Variants in PDE1A observed in about 807,000 individuals in gnomAD.
The protein encoded by PDE1A is phosphodiesterase 1A.
A neutral mutation model predicts 61.7 loss-of-function variants in PDE1A; 35 were observed. The ratio of observed to expected loss-of-function variants is 0.57; its 90% CI spans 0.43 to 0.75. PDE1A has a LOEUF of 0.75. Among genes scored for constraint, PDE1A ranks in the 30% least tolerant of loss-of-function variants. The pLI, the probability that PDE1A is intolerant of heterozygous loss-of-function variation, is 0.00. For missense variants in PDE1A, 597 were observed against 630.6 expected (o/e 0.95, Z 0.57); for synonymous variants, 232 against 213.2 (o/e 1.09, Z -0.77).
chr2:182,553,048 C>A, the PDE1A span, among the ~76,000 whole-genome samples: 1 of 152,222 alleles, frequency 6.6e-6, no homozygotes, highest in African/African-American at 2.4e-5. Flanking sequence ...TGTTCCTGCA[C>A]GGCTAAGTGC....
At chr2:182,274,977 GA>G (rs2125829589) in intron 1 of PDE1A, among the ~76,000 whole-genome samples, 1 of 152,184 alleles carries the variant, frequency 6.6e-6, no homozygotes, top group East Asian at 1.9e-4. Context: ...AATAAAAAAT[GA>G]AATACTACTA....
At chr2:182,149,485 G>T (rs997872791) in intron 13 of PDE1A, among the ~76,000 whole-genome samples, 19 of 152,048 alleles carry the variant, frequency 1.2e-4, no homozygotes, top group African/African-American at 4.6e-4. Context: ...ACTGAAAAAG[G>T]GTCTTCCTTG....
intron 2 of PDE1A, among the ~76,000 whole-genome samples, chr2:182,447,905 ATATG>A (rs1384113597): frequency 6.6e-6 from 1 of 152,120 alleles, no homozygotes; most frequent in African/African-American, 2.4e-5. Flanking sequence ...ATAGCCTGTC[ATATG>A]GATGTTTCTG....
intron 3 of PDE1A, among the ~76,000 whole-genome samples, chr2:182,238,955 T>G (rs552793628): frequency 6.6e-6 from 1 of 152,338 alleles, no homozygotes; most frequent in African/African-American, 2.4e-5. Flanking sequence ...ATACATTTCT[T>G]TAGCAAATCA....
chr2:182,145,806 G>T (rs1425226638), downstream of PDE1A, among the ~76,000 whole-genome samples: 1 of 152,128 alleles, frequency 6.6e-6, no homozygotes, highest in Non-Finnish European at 1.5e-5. Flanking sequence ...CTTTATTGTT[G>T]CTATTCACAA....
At chr2:182,354,408 C>A (rs1345833038) in intron 1 of PDE1A, among the ~76,000 whole-genome samples, 1 of 152,120 alleles carries the variant, frequency 6.6e-6, no homozygotes, top group Admixed American at 6.5e-5. Flanking sequence ...AGATAACAAG[C>A]CAGTTTTATT....
chr2:182,582,772 G>A, the PDE1A span, among the ~76,000 whole-genome samples: 13 of 152,286 alleles, frequency 8.5e-5, no homozygotes, highest in East Asian at 9.7e-4. Context: ...CTAAGCTAGC[G>A]GACAGAGCCT....
chr2:182,149,333 A>G (rs555879858), intron 13 of PDE1A, among the ~76,000 whole-genome samples: 1 of 152,356 alleles, frequency 6.6e-6, no homozygotes, highest in African/African-American at 2.4e-5. Flanking sequence ...AGAAAAAGAA[A>G]GTAATCAAAT....
At chr2:182,378,040 G>T (rs533653916) in intron 1 of PDE1A, among the ~76,000 whole-genome samples, 193 of 152,152 alleles carry the variant, frequency 1.3e-3, no homozygotes, top group African/African-American at 4.4e-3. Flanking sequence ...TAGAGACGGG[G>T]TTTCACCGTG....
intron 2 of PDE1A, among the ~76,000 whole-genome samples, chr2:182,459,252 T>G (rs943590146): frequency 6.6e-6 from 1 of 152,090 alleles, no homozygotes; most frequent in Non-Finnish European, 1.5e-5. Flanking sequence ...TACAAAGCAC[T>G]AAATGCTTAA....
intron 2 of PDE1A, among the ~76,000 whole-genome samples, chr2:182,509,099 AT>A (rs958842784): frequency 3.0e-4 from 45 of 152,184 alleles, no homozygotes; most frequent in African/African-American, 1.1e-3. Flanking sequence ...TTAAAAAAAA[AT>A]CTTCTGAAAT....
the PDE1A span, among the ~76,000 whole-genome samples, chr2:182,529,513 T>C: frequency 1.3e-5 from 2 of 152,228 alleles, no homozygotes; most frequent in African/African-American, 4.8e-5. Context: ...TGTGGACTTT[T>C]GAGTTAATGC....
chr2:182,391,262 C>T (rs1356732825), intron 1 of PDE1A, among the ~76,000 whole-genome samples: 1 of 152,026 alleles, frequency 6.6e-6, no homozygotes, highest in East Asian at 1.9e-4. Flanking sequence ...GATATGGGCC[C>T]TCCTTAGAAG....
At chr2:182,579,675 A>G in the PDE1A span, among the ~76,000 whole-genome samples, 1 of 152,146 alleles carries the variant, frequency 6.6e-6, no homozygotes, top group Non-Finnish European at 1.5e-5. Context: ...GACGGGGATA[A>G]CTGTTTTCCT....
intron 13 of PDE1A, among the ~76,000 whole-genome samples, chr2:182,175,934 A>G (rs1452418343): frequency 7.0e-6 from 1 of 142,746 alleles, no homozygotes; most frequent in Non-Finnish European, 1.5e-5. Context: ...CCATTTATTA[A>G]ATAGGGAATC....
downstream of PDE1A, among the ~76,000 whole-genome samples, chr2:182,164,385 T>G (rs1338143325): frequency 6.6e-6 from 1 of 152,074 alleles, no homozygotes; most frequent in African/African-American, 2.4e-5. Context: ...GGAACATAAT[T>G]GGAATATTGG....
the PDE1A span, among the ~76,000 whole-genome samples, chr2:182,644,751 A>G: frequency 6.6e-6 from 1 of 152,166 alleles, no homozygotes; most frequent in East Asian, 1.9e-4. Context: ...TAAGAGGCAG[A>G]ATGACTAGCA....
the PDE1A span, among the ~76,000 whole-genome samples, chr2:182,627,157 T>TA: frequency 1.5e-5 from 1 of 66,118 alleles, no homozygotes; most frequent in Non-Finnish European, 2.6e-5. Context: ...TATTTATATA[T>TA]AAAATATAAA....
intron 2 of PDE1A, among the ~76,000 whole-genome samples, chr2:182,438,752 G>C (rs971165108): frequency 6.6e-6 from 1 of 151,910 alleles, no homozygotes; most frequent in African/African-American, 2.4e-5. Flanking sequence ...AAATTATAGA[G>C]ACCAAATTAT....
Sources: allele counts gnomAD v4.1 joint callset (sites outside exome capture counted in the v4.1 genomes callset), GRCh38; gene constraint gnomAD v4.1.1; transcripts MANE v1.5; gene names NCBI Gene and HGNC (gene_info 2026-07-23, HGNC 2026-07-21).